Variants in CHD7 observed in about 807,000 individuals in gnomAD.
The protein encoded by CHD7 is ATP-dependent chromatin remodeler CHD7.
Under a neutral mutation model 307.3 loss-of-function variants are expected in CHD7, and 24 were observed. The ratio of observed to expected loss-of-function variants is 0.08; its 90% CI spans 0.06 to 0.11. The LOEUF is 0.11. Among genes scored for constraint, CHD7 ranks in the 10% least tolerant of loss-of-function variants. CHD7 has a pLI of 1.00. For missense variants in CHD7, 3,106 were observed against 3,727.1 expected, an observed-to-expected ratio of 0.83 and a Z score of 4.34; for synonymous variants, 1,363 against 1,349.9, an observed-to-expected ratio of 1.01 and a Z score of -0.21.
intron 3 of CHD7, among the ~76,000 whole-genome samples, chr8:60,788,742 T>C (rs977402801): frequency 2.6e-5 from 4 of 152,262 alleles, no homozygotes; most frequent in South Asian, 4.1e-4. Flanking sequence ...TGAGCACTAG[T>C]GGGGCCTTCG....
intron 1 of CHD7, among the ~76,000 whole-genome samples, chr8:60,700,423 G>A (rs1395671895): frequency 6.6e-6 from 1 of 152,146 alleles, no homozygotes; most frequent in Non-Finnish European, 1.5e-5. Flanking sequence ...CAAGAACTAA[G>A]ATTTCATATA....
chr8:60,808,128 T>G, intron 6 of CHD7, 89 bp from the exon 7 acceptor site: 2 of 887,944 alleles, frequency 2.3e-6, no homozygotes, highest in Non-Finnish European at 3.6e-6. Context: ...TTCAGTCCTA[T>G]TTTGTGCTCA....
intron 2 of CHD7, among the ~76,000 whole-genome samples, chr8:60,770,591 A>G (rs1376116130): frequency 6.6e-6 from 1 of 152,254 alleles, no homozygotes; most frequent in African/African-American, 2.4e-5. Flanking sequence ...CCAAGTAAGT[A>G]TCAGGAACCT....
At chr8:60,780,104 A>G (rs558958885) in intron 2 of CHD7, among the ~76,000 whole-genome samples, 9 of 152,354 alleles carry the variant, frequency 5.9e-5, no homozygotes, top group African/African-American at 2.2e-4. Flanking sequence ...AATTTATGGT[A>G]TAGATGATAA....
chr8:60,775,034 AT>A (rs1810884570), intron 2 of CHD7, among the ~76,000 whole-genome samples: 1 of 152,008 alleles, frequency 6.6e-6, no homozygotes. Context: ...GAATGTGTTT[AT>A]AATTTAGATG....
At chr8:60,839,172 A>G (rs1804864173) in intron 19 of CHD7, among the ~76,000 whole-genome samples, 2 of 152,224 alleles carry the variant, frequency 1.3e-5, no homozygotes, top group South Asian at 2.1e-4. Flanking sequence ...TGGACAGTTC[A>G]TATAAATGGA....
At position 60,823,797 on chromosome 8, in the gene CHD7, G is replaced by A. The variant is rs757105661; in HGVS notation, c.3202-43G>A. On this transcript the variant is annotated intron_variant, in intron 12 of 37. Transcript: ENST00000423902. Reference sequence around the variant, plus strand: ...TTTATTCATCCTTAAAGTTATTTATGTAACCATTAATGCTTAATAATAATT... The same window carrying A: ...TTTATTCATCCTTAAAGTTATTTATATAACCATTAATGCTTAATAATAATT... 6.7e-6 allele frequency: 10 copies of A among 1,493,508 alleles called. No homozygotes were observed. In the East Asian group the frequency reaches 1.8e-4, roughly 27 times the overall value. 92.5% of individuals were successfully genotyped at this position (1,493,508 alleles called of 1,614,324 possible). A position where few individuals can be genotyped will look rare whatever the true frequency, so the allele number is the denominator to read the frequency against.
At chr8:60,789,671 A>G (rs1346605622) in intron 3 of CHD7, among the ~76,000 whole-genome samples, 2 of 152,244 alleles carry the variant, frequency 1.3e-5, no homozygotes, top group South Asian at 2.1e-4. Context: ...CAGGGCAGCT[A>G]CCTGGCTTTC....
At chr8:60,735,710 G>A (rs1351141690) in intron 1 of CHD7, among the ~76,000 whole-genome samples, 7 of 152,156 alleles carry the variant, frequency 4.6e-5, no homozygotes, top group Non-Finnish European at 8.8e-5. Flanking sequence ...CTCTGAAAGA[G>A]GAGAAAATAT....
intron 4 of CHD7, among the ~76,000 whole-genome samples, chr8:60,798,616 T>C (rs2150705018): frequency 6.6e-6 from 1 of 152,316 alleles, no homozygotes; most frequent in African/African-American, 2.4e-5. Flanking sequence ...ACACAATGAA[T>C]GTTTTGCCTC....
intron 7 of CHD7, 150 bp downstream of exon 7, chr8:60,808,422 T>A (rs1812638653): frequency 1.6e-6 from 1 of 615,000 alleles, no homozygotes; most frequent in Non-Finnish European, 2.8e-6. Context: ...CCAACTTTTG[T>A]ATGTTTGATA....
chr8:60,862,819 T>A (rs1036972426), intron 37 of CHD7, 167 bp downstream of exon 37: 3 of 427,600 alleles, frequency 7.0e-6, no homozygotes, highest in Non-Finnish European at 1.3e-5. Flanking sequence ...TAATACATCA[T>A]TAATCCAAAG....
chr8:60,860,806 A>T (rs1418189288), intron 34 of CHD7, 98 bp from the exon 35 acceptor site: 1 of 886,074 alleles, frequency 1.1e-6, no homozygotes, highest in African/African-American at 1.7e-5. Context: ...TCTCTTTTTG[A>T]TAAAAGATCC....
intron 12 of CHD7, among the ~76,000 whole-genome samples, 159 bp from the exon 13 acceptor site, chr8:60,823,681 G>A (rs561721995): frequency 5.3e-5 from 8 of 152,156 alleles, no homozygotes; most frequent in South Asian, 2.1e-4. Context: ...TTACCATATC[G>A]TTTAAAACTG....
intron 1 of CHD7, among the ~76,000 whole-genome samples, chr8:60,724,702 A>G (rs868102428): frequency 2.0e-5 from 3 of 152,126 alleles, no homozygotes; most frequent in South Asian, 2.1e-4. Flanking sequence ...ATTTTTCTCT[A>G]TGACTTAAGC....
At chr8:60,832,905 C>A (rs1205042977) in intron 15 of CHD7, among the ~76,000 whole-genome samples, 1 of 152,160 alleles carries the variant, frequency 6.6e-6, no homozygotes, top group African/African-American at 2.4e-5. Context: ...ATTGGTCACA[C>A]CTTGAGGTCA....
At chr8:60,841,034 C>T (rs1804948040) in intron 19 of CHD7, among the ~76,000 whole-genome samples, 2 of 152,226 alleles carry the variant, frequency 1.3e-5, no homozygotes, top group African/African-American at 4.8e-5. Flanking sequence ...TTGGTATGAC[C>T]TTTCCAACTT....
chr8:60,737,966 A>G (rs993537737), intron 1 of CHD7, among the ~76,000 whole-genome samples: 2 of 152,256 alleles, frequency 1.3e-5, no homozygotes, highest in Non-Finnish European at 2.9e-5. Flanking sequence ...TGCTCAGTAA[A>G]TACATTTTGA....
Position 60,741,387 on chromosome 8 carries a change from G to A in CHD7, c.-46G>A, listed in dbSNP as rs1332794984. ...AACACCTCAGTGAAGTGAAGCACAG[G>A]CAAGCTCCTGAGCTGTGGTTTGGAG... On this transcript the variant is annotated 5_prime_UTR_variant, in exon 2 of 38. Coordinates refer to ENST00000423902, the MANE Select transcript of CHD7 (RefSeq NM_017780.4). The A allele has an allele frequency of 1.4e-6, 2 of 1,419,722 alleles. No homozygotes were observed. Among genetic ancestry groups the A allele is most frequent in the Non-Finnish European group, 9.7e-7 (1 of 1,035,492 alleles). The allele number at this position is 1,419,722 out of a possible 1,614,324, so 87.9% of individuals were successfully genotyped here.
Sources: gnomAD v4.1 joint callset for allele counts (sites outside exome capture counted in the v4.1 genomes callset) on GRCh38, gnomAD v4.1.1 for gene constraint, MANE v1.5 for transcripts, NCBI Gene and HGNC (gene_info 2026-07-23, HGNC 2026-07-21) for gene names.